Variants in TEX22 observed in about 807,000 individuals in gnomAD.
The protein encoded by TEX22 is testis-expressed protein 22.
A neutral mutation model predicts 11.3 loss-of-function variants in TEX22; 16 were observed. That is an observed-to-expected ratio of 1.42 (90% CI 0.96 to 2.15). TEX22 has a LOEUF of 2.15. Ranked by LOEUF, TEX22 falls within the 30% of genes most tolerant of loss-of-function variation. TEX22 has a pLI of 0.00. For missense variants in TEX22, 220 were observed against 208.6 expected, an observed-to-expected ratio of 1.05 and a Z score of -0.34; for synonymous variants, 97 against 92.3, an observed-to-expected ratio of 1.05 and a Z score of -0.29.
At chr14:105,402,024 A>AGG (rs2141355815) in intron 2 of TEX22, among the ~76,000 whole-genome samples, 1 of 152,306 alleles carries the variant, frequency 6.6e-6, no homozygotes, top group Non-Finnish European at 1.5e-5. Flanking sequence ...CGTCTCTATT[A>AGG]AAAATACAAA....
chr14:105,402,481 GT>G (rs2081632943), intron 2 of TEX22, among the ~76,000 whole-genome samples: 1 of 152,168 alleles, frequency 6.6e-6, no homozygotes, highest in Non-Finnish European at 1.5e-5. Flanking sequence ...TTGGCCGGGT[GT>G]GGTGGCTCAC....
chr14:105,406,659 C>T (rs1338628367), intron 2 of TEX22, among the ~76,000 whole-genome samples: 1 of 149,858 alleles, frequency 6.7e-6, no homozygotes, highest in African/African-American at 2.5e-5. Flanking sequence ...TGAATTAAGT[C>T]TACGTACTTG....
At position 105,399,271 on chromosome 14, in the gene TEX22, C is replaced by T. The variant is rs782115297; in HGVS notation, c.-39-31C>T. ...GGGCACGTGGGTGGCCTTGTGGGCC[C>T]CGCCCCACCTCCCCCTGCTCCTACC... On this transcript the variant is annotated intron_variant, in intron 1 of 3. Coordinates refer to ENST00000451127, the MANE Select transcript of TEX22 (RefSeq NM_001195082.2). The T allele has an allele frequency of 1.7e-4, 215 of 1,282,594 alleles. 2 individuals are homozygous for T. Among genetic ancestry groups the T allele is most frequent in the Non-Finnish European group, 2.2e-4 (210 of 943,616 alleles). The allele number at this position is 1,282,594 out of a possible 1,614,324, so 79.5% of individuals were successfully genotyped here.
At chr14:105,405,219 G>A (rs1318471102) in intron 2 of TEX22, among the ~76,000 whole-genome samples, 12 of 152,228 alleles carry the variant, frequency 7.9e-5, no homozygotes, top group Admixed American at 7.9e-4. Context: ...GTGTCTGTGA[G>A]GCGGAAACTG....
In TEX22 at chr14:105,411,931, C is replaced by T; in HGVS notation, c.*98C>T. 1 of 1,203,488 alleles carries T rather than the reference C, an allele frequency of 8.3e-7. No homozygotes were observed. The allele number at this position is 1,203,488 out of a possible 1,614,324, so 74.6% of individuals were successfully genotyped here. A position where few individuals can be genotyped will look rare whatever the true frequency, so the allele number is the denominator to read the frequency against. ...CCTTCTTTGTGCCCCACCAGGGGGT[C>T]ACCACCCACCCATGTTAGGAAAACA... On this transcript the variant is annotated 3_prime_UTR_variant, in exon 4 of 4. Transcript: ENST00000451127.
chr14:105,407,537 T>C (rs587751648), intron 2 of TEX22, among the ~76,000 whole-genome samples: 2 of 152,060 alleles, frequency 1.3e-5, no homozygotes, highest in African/African-American at 4.8e-5. Flanking sequence ...CATGCCCAGC[T>C]AATTATTTTT....
intron 2 of TEX22, among the ~76,000 whole-genome samples, chr14:105,403,401 C>T (rs1405101584): frequency 6.6e-6 from 1 of 152,080 alleles, no homozygotes; most frequent in Non-Finnish European, 1.5e-5. Context: ...TGGTTGTGAC[C>T]TGTAAGGAAT....
chr14:105,401,594 AG>A (rs1223944962), intron 2 of TEX22, among the ~76,000 whole-genome samples: 2 of 37,402 alleles, frequency 5.3e-5, no homozygotes, highest in Non-Finnish European at 9.9e-5. Context: ...GGGTGGGGGG[AG>A]GGGGGAGGGA....
chr14:105,409,478 G>A (rs142666730), intron 2 of TEX22, among the ~76,000 whole-genome samples: 103 of 151,512 alleles, frequency 6.8e-4, no homozygotes, highest in Non-Finnish European at 1.3e-3. Context: ...TGGTGCCCTA[G>A]ACTATTAAGA....
At chr14:105,405,431 C>T (rs782608951) in intron 2 of TEX22, among the ~76,000 whole-genome samples, 40 of 152,152 alleles carry the variant, frequency 2.6e-4, no homozygotes, top group Admixed American at 1.2e-3. Flanking sequence ...TCAATGAAAA[C>T]GGACTAAGTG....
rs117907428 is a variant in TEX22, at chr14:105,403,039, G to A, written c.150+3549G>A. On this transcript the variant is annotated intron_variant, in intron 2 of 3. Transcript: ENST00000451127. The stretch of plus-strand genomic sequence containing the variant: ...TTTGAGGCGAGCTGCAGAGTGCAGT[G>A]AGAAGAGATCATTTATTGAAAGCCG... Among the ~76,000 whole-genome samples, 210 of 152,268 alleles carry A rather than the reference G, an allele frequency of 1.4e-3. 5 individuals are homozygous for A. In the East Asian group the frequency reaches 0.039, roughly 28 times the overall value.
intron 2 of TEX22, among the ~76,000 whole-genome samples, chr14:105,402,978 C>T (rs192503923): frequency 6.6e-6 from 1 of 152,102 alleles, no homozygotes; most frequent in Admixed American, 6.6e-5. Flanking sequence ...CATCTGGACC[C>T]CAAGAGAGGG....
At chr14:105,410,771 G>C (rs1373446911) in intron 2 of TEX22, among the ~76,000 whole-genome samples, 1 of 152,184 alleles carries the variant, frequency 6.6e-6, no homozygotes, top group African/African-American at 2.4e-5. Flanking sequence ...CACGTGGGAA[G>C]TTCCTTCTTG....
intron 2 of TEX22, among the ~76,000 whole-genome samples, chr14:105,409,818 C>A (rs782201425): frequency 4.0e-5 from 6 of 150,370 alleles, no homozygotes; most frequent in Non-Finnish European, 8.9e-5. Flanking sequence ...ACTCTGTCAC[C>A]CAGGCTGGAG....
intron 2 of TEX22, among the ~76,000 whole-genome samples, chr14:105,408,558 G>T (rs1237643280): frequency 6.6e-6 from 1 of 152,136 alleles, no homozygotes; most frequent in Non-Finnish European, 1.5e-5. Context: ...CAAGTAGTTG[G>T]GATTACAGGT....
chr14:105,402,663 G>A (rs1455682968), intron 2 of TEX22, among the ~76,000 whole-genome samples: 2 of 151,948 alleles, frequency 1.3e-5, no homozygotes, highest in Non-Finnish European at 2.9e-5. Context: ...GGCTGAGGCA[G>A]GAGAATGGCG....
rs1203191043 is a variant in TEX22, at chr14:105,402,711, G to C, written c.150+3221G>C. On this transcript the variant is annotated intron_variant, in intron 2 of 3. Transcript: ENST00000451127. Reference sequence around the variant, plus strand: ...GCGGAGCTTGCAGTGAGACGAGATTGCGCTACTGCACTCCAGCCTGGGCGA... The same window carrying C: ...GCGGAGCTTGCAGTGAGACGAGATTCCGCTACTGCACTCCAGCCTGGGCGA... Among the ~76,000 whole-genome samples the C allele has an allele frequency of 8.7e-5, 13 of 149,756 alleles. 1 individual carries two copies. Among genetic ancestry groups the C allele is most frequent in the South Asian group, 4.2e-4 (2 of 4,760 alleles).
At chr14:105,405,019 G>A (rs587733006) in intron 2 of TEX22, among the ~76,000 whole-genome samples, 14 of 152,154 alleles carry the variant, frequency 9.2e-5, no homozygotes, top group East Asian at 5.8e-4. Context: ...GAAGAGGAGG[G>A]GGGTGGGCCA....
At chr14:105,411,530 C>A in intron 3 of TEX22, 34 bp downstream of exon 3, 1 of 407,460 alleles carries the variant, frequency 2.5e-6, no homozygotes, top group Non-Finnish European at 3.2e-6. Flanking sequence ...CGCCCCGTCC[C>A]CGCCCCGCCC....
Sources: gnomAD v4.1 joint callset for allele counts (sites outside exome capture counted in the v4.1 genomes callset) on GRCh38, gnomAD v4.1.1 for gene constraint, MANE v1.5 for transcripts, NCBI Gene and HGNC (gene_info 2026-07-23, HGNC 2026-07-21) for gene names.